Variants in MICU1 observed in about 807,000 individuals in gnomAD.
The protein encoded by MICU1 is mitochondrial calcium uptake 1.
In MICU1, 45 loss-of-function variants were observed where a neutral mutation model predicts 56.8. The observed-to-expected ratio is 0.79, with a 90% confidence interval of 0.62 to 1.02. The LOEUF is 1.02. MICU1 is among the 50% of genes least tolerant of loss of function. The pLI is 0.00. For missense variants in MICU1, 504 were observed against 587.1 expected (o/e 0.86, Z 1.46); for synonymous variants, 186 against 195.1 (o/e 0.95, Z 0.39).
At chr10:72,563,446 C>T (rs1245114954) in intron 2 of MICU1, among the ~76,000 whole-genome samples, 1 of 152,070 alleles carries the variant, frequency 6.6e-6, no homozygotes, top group South Asian at 2.1e-4. Flanking sequence ...ATCTTGAGGG[C>T]GTTATGCTAA....
intron 4 of MICU1, among the ~76,000 whole-genome samples, chr10:72,539,994 G>C (rs942017108): frequency 1.3e-5 from 2 of 152,082 alleles, no homozygotes; most frequent in Non-Finnish European, 2.9e-5. Flanking sequence ...TTGGCTGTGC[G>C]TGGTGGCTCA....
chr10:72,452,860 C>T (rs1865341472), intron 8 of MICU1, among the ~76,000 whole-genome samples: 1 of 152,192 alleles, frequency 6.6e-6, no homozygotes, highest in African/African-American at 2.4e-5. Flanking sequence ...ACTCTCCTCT[C>T]AGGATCTGCC....
At chr10:72,442,002 C>T (rs560080877) in intron 8 of MICU1, among the ~76,000 whole-genome samples, 58 of 152,266 alleles carry the variant, frequency 3.8e-4, no homozygotes, top group African/African-American at 1.4e-3. Flanking sequence ...AGAAAACTCT[C>T]TAAGTCAGTA....
At chr10:72,589,468 T>A (rs1382024624) in intron 1 of MICU1, among the ~76,000 whole-genome samples, 2 of 152,090 alleles carry the variant, frequency 1.3e-5, no homozygotes, top group African/African-American at 4.8e-5. Context: ...GCTAAGCAAA[T>A]GTATAGATTT....
chr10:72,430,395 T>C (rs1864487190), intron 8 of MICU1, among the ~76,000 whole-genome samples: 1 of 152,158 alleles, frequency 6.6e-6, no homozygotes, highest in African/African-American at 2.4e-5. Flanking sequence ...TTATGGGATC[T>C]TTAAAATTTT....
intron 6 of MICU1, among the ~76,000 whole-genome samples, chr10:72,492,064 GAA>G (rs1356207060): frequency 6.6e-6 from 1 of 152,072 alleles, no homozygotes; most frequent in African/African-American, 2.4e-5. Context: ...AGTGAAAAAA[GAA>G]AAACAGCATA....
At position 72,419,704 on chromosome 10, in the gene MICU1, C is replaced by G. The variant is rs142523906; in HGVS notation, c.1071+3530G>C. Among the ~76,000 whole-genome samples the G allele has an allele frequency of 1.8e-4, 28 of 152,336 alleles. No homozygotes were observed. In the East Asian group the frequency reaches 5.2e-3, roughly 28 times the overall value. On this transcript the variant is annotated intron_variant, in intron 9 of 11. Coordinates refer to ENST00000361114, the MANE Select transcript of MICU1 (RefSeq NM_001195518.2). ...ATCTTTAAAGCTAGAAGGGCCCTTA[C>G]AGCAAGCATCTAGGATAAGCCTCTC...
chr10:72,421,017 A>T (rs1440469168), intron 9 of MICU1, among the ~76,000 whole-genome samples: 1 of 73,074 alleles, frequency 1.4e-5, no homozygotes, highest in East Asian at 2.1e-4. Context: ...AAAAAAAAAA[A>T]ATAATAATAA....
At chr10:72,537,316 C>T (rs1336446989) in intron 4 of MICU1, among the ~76,000 whole-genome samples, 1 of 152,106 alleles carries the variant, frequency 6.6e-6, no homozygotes, top group Non-Finnish European at 1.5e-5. Flanking sequence ...AAGCTATTGT[C>T]CCTAACTACT....
At chr10:72,413,270 T>C (rs568262983) in intron 9 of MICU1, among the ~76,000 whole-genome samples, 9 of 152,044 alleles carry the variant, frequency 5.9e-5, no homozygotes, top group Non-Finnish European at 1.2e-4. Context: ...TTCATGACCT[T>C]GACTAAGGCA....
chr10:72,479,252 C>T (rs1866215520), intron 6 of MICU1, among the ~76,000 whole-genome samples: 1 of 152,210 alleles, frequency 6.6e-6, no homozygotes, highest in African/African-American at 2.4e-5. Context: ...AGCCTACAAA[C>T]TTTCCTTATG....
intron 1 of MICU1, among the ~76,000 whole-genome samples, chr10:72,603,844 T>C (rs947097330): frequency 2.0e-5 from 3 of 152,032 alleles, no homozygotes; most frequent in Non-Finnish European, 4.4e-5. Context: ...AAAAAACACC[T>C]GTAAGGTGTA....
At chr10:72,424,152 A>C (rs1864271986) in intron 8 of MICU1, among the ~76,000 whole-genome samples, 1 of 149,660 alleles carries the variant, frequency 6.7e-6, no homozygotes, top group Admixed American at 6.6e-5. Context: ...TTCACTCATC[A>C]TCCAGGCTGG....
At chr10:72,555,489 G>C (rs554042657) in intron 3 of MICU1, among the ~76,000 whole-genome samples, 1 of 152,028 alleles carries the variant, frequency 6.6e-6, no homozygotes, top group Non-Finnish European at 1.5e-5. Flanking sequence ...CATTTTTAAC[G>C]GCAGAAGCAA....
In MICU1 at chr10:72,475,180, C is replaced by T. The variant is rs1403110923; in HGVS notation, c.853G>A (p.Ala285Thr). ...ATTGTCAGCTTTCCCTTCAGATCAG[C>T]TCCAAAAAAGTAGGTTGTGAGGGCT... is the stretch of plus-strand genomic sequence containing the variant. ...CSALTTYFFG[A>T]DLKGKLTIKN... Residue 285 changes from alanine to threonine, a missense_variant, in exon 8 of 12, where the codon GCT becomes ACT. Coordinates refer to ENST00000361114, the MANE Select transcript of MICU1 (RefSeq NM_001195518.2). The T allele has an allele frequency of 1.2e-6, 2 of 1,611,222 alleles. No individual in the cohort carries two copies. Among genetic ancestry groups the T allele is most frequent in the Non-Finnish European group, 1.7e-6 (2 of 1,178,630 alleles).
In MICU1 at chr10:72,563,029, G is replaced by A. The variant is rs1840339074; in HGVS notation, c.196C>T (p.Leu66=). ...HAESPPCVDN[L]KSDIGDKGKN... ...CCTTTATCACCGATGTCACTTTTTA[G>A]GTTGTCTACACATGGTGGAGATTCT... is the stretch of plus-strand genomic sequence containing the variant. The change falls in exon 3 of 12, where the codon CTA becomes TTA. Residue 66 remains leucine (L), a synonymous_variant. Transcript: ENST00000361114. 2 of 1,597,526 alleles carry A rather than the reference G, an allele frequency of 1.3e-6. No individual in the cohort carries two copies. The highest frequency in any genetic ancestry group is 2.2e-5 in the East Asian group (1 of 44,462).
chr10:72,529,479 G>A (rs533671278), intron 5 of MICU1, among the ~76,000 whole-genome samples: 94 of 152,110 alleles, frequency 6.2e-4, no homozygotes, highest in African/African-American at 1.3e-3. Flanking sequence ...CCAACGTTGC[G>A]GAAATTGGTA....
At chr10:72,586,017 T>TTC (rs1460139979) in intron 1 of MICU1, among the ~76,000 whole-genome samples, 4 of 130,080 alleles carry the variant, frequency 3.1e-5, no homozygotes, top group African/African-American at 1.1e-4. Context: ...TTTTTTCTTT[T>TTC]TTTTTTTTTT....
intron 4 of MICU1, among the ~76,000 whole-genome samples, chr10:72,535,909 C>G (rs921696613): frequency 6.6e-6 from 1 of 152,038 alleles, no homozygotes; most frequent in Non-Finnish European, 1.5e-5. Flanking sequence ...TTTGAGGCAA[C>G]ATGGATGCAA....
Sources: gnomAD v4.1 joint callset for allele counts (sites outside exome capture counted in the v4.1 genomes callset) on GRCh38, gnomAD v4.1.1 for gene constraint, MANE v1.5 for transcripts, NCBI Gene and HGNC (gene_info 2026-07-23, HGNC 2026-07-21) for gene names.